Variants in PDE1C observed in about 807,000 individuals in gnomAD.
PDE1C encodes phosphodiesterase 1C, also known as dual specificity calcium/calmodulin-dependent 3',5'-cyclic nucleotide phosphodiesterase 1C.
A neutral mutation model predicts 93.1 loss-of-function variants in PDE1C; 62 were observed. That is an observed-to-expected ratio of 0.67 (90% CI 0.54 to 0.82). PDE1C has a LOEUF of 0.82. Ranked by LOEUF, PDE1C falls within the 40% of genes least tolerant of loss-of-function variation. PDE1C has a pLI of 0.00. For synonymous variants in PDE1C, 325 were observed against 310.1 expected (o/e 1.05, Z -0.50); for missense variants, 742 against 884.6 (o/e 0.84, Z 2.04).
the PDE1C span, among the ~76,000 whole-genome samples, chr7:31,702,513 C>G: frequency 2.0e-5 from 3 of 152,198 alleles, no homozygotes; most frequent in Non-Finnish European, 4.4e-5. Context: ...TCAGCCAGCT[C>G]GAAGCCTCTG....
chr7:32,359,192 T>G (rs2128084794), intron 1 of PDE1C, among the ~76,000 whole-genome samples: 1 of 152,256 alleles, frequency 6.6e-6, no homozygotes, highest in South Asian at 2.1e-4. Context: ...TCCTAGTAAC[T>G]TTTCATCCTC....
Position 32,262,231 on chromosome 7 carries a change from C to T in PDE1C, c.85+36420G>A, listed in dbSNP as rs575688025. Among the ~76,000 whole-genome samples, 5 of 152,194 alleles carry T rather than the reference C, an allele frequency of 3.3e-5. No homozygotes were observed. The South Asian group carries it at 6.2e-4, about 19-fold the overall frequency. ...TGTATTTCGTTCTCTGTGATTCCCA[C>T]CTCCACTTTATACCCAATTCTAAGC... is the stretch of plus-strand genomic sequence containing the variant. On this transcript the variant is annotated intron_variant, in intron 1 of 18. Coordinates refer to the PDE1C transcript ENST00000396193.
chr7:31,617,438 C>T, the PDE1C span, among the ~76,000 whole-genome samples: 1 of 152,010 alleles, frequency 6.6e-6, no homozygotes, highest in Non-Finnish European at 1.5e-5. Context: ...CAAATCTCCC[C>T]AACAGTTTAA....
At chr7:32,199,677 T>C (rs1282045867) in intron 2 of PDE1C, among the ~76,000 whole-genome samples, 1 of 152,210 alleles carries the variant, frequency 6.6e-6, no homozygotes, top group Non-Finnish European at 1.5e-5. Context: ...GTCTTGTTCC[T>C]TTCTTAGAGT....
chr7:31,815,853 G>A, intron 15 of PDE1C, 71 bp downstream of exon 15: 1 of 1,156,520 alleles, frequency 8.6e-7, no homozygotes, highest in South Asian at 1.2e-5. Context: ...CAGTAGGGTT[G>A]TTCACCAGTT....
At chr7:31,817,015 C>T (rs936179731) in intron 14 of PDE1C, among the ~76,000 whole-genome samples, 6 of 152,104 alleles carry the variant, frequency 3.9e-5, no homozygotes, top group African/African-American at 7.2e-5. Flanking sequence ...GCAGTTGTAG[C>T]GTTAAGCACT....
At chr7:32,353,631 T>C (rs1355402387) in intron 1 of PDE1C, among the ~76,000 whole-genome samples, 1 of 151,710 alleles carries the variant, frequency 6.6e-6, no homozygotes, top group Admixed American at 6.6e-5. Flanking sequence ...CAACATATTT[T>C]TAAATCTTTT....
intron 16 of PDE1C, among the ~76,000 whole-genome samples, chr7:31,795,392 C>G (rs925762243): frequency 1.3e-5 from 2 of 151,696 alleles, no homozygotes; most frequent in African/African-American, 4.8e-5. Context: ...TACTAAGAAG[C>G]TTTATTTTAA....
At chr7:31,919,295 A>G (rs1332530844) in intron 2 of PDE1C, among the ~76,000 whole-genome samples, 2 of 152,102 alleles carry the variant, frequency 1.3e-5, no homozygotes, top group African/African-American at 4.8e-5. Flanking sequence ...TTCAAATACC[A>G]CCTCTGCCAC....
At chr7:32,339,010 GCACACACACACACACACACACA>G (rs57740255) in intron 1 of PDE1C, among the ~76,000 whole-genome samples, 1 of 138,544 alleles carries the variant, frequency 7.2e-6, no homozygotes. Context: ...CTCAAAAAAA[GCACACACACACACACACACACA>G]CACACACACA....
chr7:32,109,073 G>A (rs1015391230), intron 3 of PDE1C, among the ~76,000 whole-genome samples: 4 of 152,094 alleles, frequency 2.6e-5, no homozygotes. Flanking sequence ...ATGGAAGCTC[G>A]GCATTCAGGT....
chr7:32,208,690 C>G (rs1353893968), intron 2 of PDE1C, among the ~76,000 whole-genome samples: 4 of 152,114 alleles, frequency 2.6e-5, no homozygotes, highest in Admixed American at 6.5e-5. Flanking sequence ...CTCCACTCCA[C>G]CCTCATCCGT....
At chr7:31,695,837 T>A in the PDE1C span, 2 of 357,224 alleles carry the variant, frequency 5.6e-6, no homozygotes, top group South Asian at 1.5e-4. Context: ...TTATTTTTTT[T>A]ACCTACCAAT....
chr7:32,328,562 C>A (rs1490987742), intron 1 of PDE1C, among the ~76,000 whole-genome samples: 2 of 152,166 alleles, frequency 1.3e-5, no homozygotes, highest in Admixed American at 6.5e-5. Context: ...CTTCCTTGAA[C>A]AAGCCAGGCT....
At chr7:32,051,640 AG>A (rs1329388260) in intron 1 of PDE1C, 60 bp from the exon 2 acceptor site, 2 of 1,446,462 alleles carry the variant, frequency 1.4e-6, no homozygotes, top group Non-Finnish European at 1.9e-6. Flanking sequence ...TGGGTAAGAA[AG>A]GGATTACTTC....
At chr7:31,657,316 G>A in the PDE1C span, among the ~76,000 whole-genome samples, 1 of 152,178 alleles carries the variant, frequency 6.6e-6, no homozygotes, top group African/African-American at 2.4e-5. Context: ...GGTTTATGTG[G>A]TGCCTAACAC....
upstream of PDE1C, among the ~76,000 whole-genome samples, chr7:32,304,078 C>G (rs1048445122): frequency 2.6e-5 from 4 of 152,108 alleles, no homozygotes; most frequent in Admixed American, 2.0e-4. Flanking sequence ...ATTGTCTTTC[C>G]CCTCAGCCAA....
At chr7:32,070,578 A>G (rs551199151), upstream of PDE1C, 17 of 1,435,044 alleles carry the variant, frequency 1.2e-5, no homozygotes, top group Admixed American at 1.7e-4. Flanking sequence ...GCGGCAAACC[A>G]TGGCCCCAGG....
At chr7:32,071,864 G>T (rs1206208929), upstream of PDE1C, among the ~76,000 whole-genome samples, 7 of 152,158 alleles carry the variant, frequency 4.6e-5, no homozygotes, top group Admixed American at 4.6e-4. Flanking sequence ...TCTAGGTGAA[G>T]CCACCACCAG....
Sources: allele counts gnomAD v4.1 joint callset (sites outside exome capture counted in the v4.1 genomes callset), GRCh38; gene constraint gnomAD v4.1.1; transcripts MANE v1.5; gene names NCBI Gene and HGNC (gene_info 2026-07-23, HGNC 2026-07-21).